The following VWA5B1 variants were observed in gnomAD, a reference collection of about 807,000 sequenced individuals.
The protein encoded by VWA5B1 is von Willebrand factor A domain containing 5B1, also known as von Willebrand factor A domain-containing protein 5B1.
VWA5B1 carries 115 observed loss-of-function variants against 118.2 expected under a neutral mutation model. The ratio of observed to expected loss-of-function variants is 0.97; its 90% CI spans 0.84 to 1.14. The LOEUF (loss-of-function observed/expected upper bound fraction) is 1.14. VWA5B1 is among the 50% of genes most tolerant of loss of function. VWA5B1 has a pLI of 0.00. For synonymous variants in VWA5B1, 682 were observed against 658.4 expected, an observed-to-expected ratio of 1.04 and a Z score of -0.55; for missense variants, 1,596 against 1,603.8, an observed-to-expected ratio of 1.00 and a Z score of 0.08.
At chr1:20,306,419 T>C (rs926182971) in intron 1 of VWA5B1, among the ~76,000 whole-genome samples, 12 of 152,178 alleles carry the variant, frequency 7.9e-5, no homozygotes, top group Non-Finnish European at 1.6e-4. Context: ...AAAGGACGAC[T>C]CTGACTGCTC....
At position 20,354,866 on chromosome 1, in the gene VWA5B1, CAA is replaced by C. The variant is rs796381293; in HGVS notation, c.*606_*607del. 1.3e-5 allele frequency: 2 copies of C among 152,646 alleles called. No individual in the cohort carries two copies. The highest frequency in any genetic ancestry group is 4.8e-5 in the African/African-American group (2 of 41,558). The allele number at this position is 152,646 out of a possible 1,614,324, so 9.5% of individuals were successfully genotyped here. A position where few individuals can be genotyped will look rare whatever the true frequency, so the allele number is the denominator to read the frequency against. ...GAGAAGCATCCTTCTCAACGCTTTA[CAA>C]AAGAGTAGTTTGGGGGCCTTTTGTT... On this transcript the variant is annotated 3_prime_UTR_variant, in exon 22 of 22. Transcript: ENST00000289815.
rs955492982 is a variant in VWA5B1, at chr1:20,319,306, C to T, written c.842-76C>T. On this transcript the variant is annotated intron_variant, in intron 6 of 21. Coordinates refer to ENST00000289815, the MANE Select transcript of VWA5B1 (RefSeq NM_001039500.3). ...GAGTCCCACCCCTGTGAGAATCTTG[C>T]ACCTAAACCAAAGCCCCCAGCATCC... 9.2e-6 allele frequency: 14 copies of T among 1,525,970 alleles called. No individual in the cohort carries two copies. In the African/African-American group the frequency reaches 1.7e-4, roughly 18 times the overall value. The allele number at this position is 1,525,970 out of a possible 1,614,324, so 94.5% of individuals were successfully genotyped here. A position where few individuals can be genotyped will look rare whatever the true frequency, so the allele number is the denominator to read the frequency against.
intron 3 of VWA5B1, 93 bp downstream of exon 3, chr1:20,313,081 T>C: frequency 6.8e-7 from 1 of 1,468,814 alleles, no homozygotes; most frequent in East Asian, 2.5e-5. Context: ...AGGATAGCAG[T>C]GGGATATGAG....
In VWA5B1 at chr1:20,314,430, C is replaced by T. The variant is rs2088940322; in HGVS notation, c.401C>T (p.Thr134Ile). ...ATCCTGTTCGTGGCCAACCTGGGGA[C>T]CATTGCCCCCATGGAGAATGTCACC... ...ERILFVANLG[T>I]IAPMENVTIF... Residue 134 changes from threonine (T) to isoleucine (I), a missense_variant, in exon 4 of 22, where the codon ACC becomes ATC. Transcript: ENST00000289815. The T allele has an allele frequency of 1.3e-6, 2 of 1,551,900 alleles. No individual in the cohort carries two copies. Among genetic ancestry groups the T allele is most frequent in the Non-Finnish European group, 1.7e-6 (2 of 1,147,038 alleles).
At chr1:20,320,372 C>G (rs892494390) in intron 7 of VWA5B1, among the ~76,000 whole-genome samples, 1 of 152,236 alleles carries the variant, frequency 6.6e-6, no homozygotes, top group African/African-American at 2.4e-5. Flanking sequence ...AGGGCAGTGG[C>G]AAGGTGGGGA....
chr1:20,346,482 C>A (rs565307423), intron 17 of VWA5B1, among the ~76,000 whole-genome samples: 24 of 152,300 alleles, frequency 1.6e-4, no homozygotes, highest in African/African-American at 5.8e-4. Flanking sequence ...CCTTAAAGAA[C>A]ATCTTTGTGC....
At chr1:20,324,414 T>C (rs1394967584) in intron 8 of VWA5B1, among the ~76,000 whole-genome samples, 4 of 152,190 alleles carry the variant, frequency 2.6e-5, no homozygotes, top group African/African-American at 7.2e-5. Flanking sequence ...ATTGTGGCAT[T>C]ATCCAACACT....
At position 20,342,541 on chromosome 1, in the gene VWA5B1, G is replaced by T; in HGVS notation, c.2243G>T (p.Gly748Val). ...PQGCQPFLPWGQETQAWSPVR... is the reference protein window; with the variant it reads ...PQGCQPFLPWVQETQAWSPVR... ...GGCTGCCAGCCCTTCCTGCCCTGGG[G>T]CCAGGAGACCCAGGCCTGGAGCCCT... Residue 748 changes from glycine to valine, a missense_variant, in exon 15 of 22, where the codon GGC becomes GTC. Transcript: ENST00000289815. The T allele has an allele frequency of 6.5e-7, 1 of 1,545,684 alleles. No homozygotes were observed.
At chr1:20,353,721 ATT>A in intron 21 of VWA5B1, 34 bp from the exon 22 acceptor site, 1 of 1,446,228 alleles carries the variant, frequency 6.9e-7, no homozygotes, top group Non-Finnish European at 9.1e-7. Context: ...GGGCTAAAAC[ATT>A]TGAGGCCCAC....
At chr1:20,344,201 CCT>C (rs1557443676) in intron 16 of VWA5B1, among the ~76,000 whole-genome samples, 1 of 151,624 alleles carries the variant, frequency 6.6e-6, no homozygotes, top group Non-Finnish European at 1.5e-5. Flanking sequence ...AGTGACCCGT[CCT>C]CTTCTCTCCT....
At position 20,310,571 on chromosome 1, in the gene VWA5B1, C is replaced by T; in HGVS notation, c.-26-5C>T. ...CCCACTTCCTGCCCTTCCTGTGTCT[C>T]ACAGGTTCTGAAGGCTGAGTAGCCA... is the stretch of plus-strand genomic sequence containing the variant. On this transcript the variant is annotated splice_region_variant and splice_polypyrimidine_tract_variant and intron_variant, in intron 1 of 21. Transcript: ENST00000289815. 6.7e-7 allele frequency: 1 copy of T among 1,497,074 alleles called. No homozygotes were observed. Among genetic ancestry groups the T allele is most frequent in the Non-Finnish European group, 8.9e-7 (1 of 1,121,728 alleles). The allele number at this position is 1,497,074 out of a possible 1,614,324, so 92.7% of individuals were successfully genotyped here. A position where few individuals can be genotyped will look rare whatever the true frequency, so the allele number is the denominator to read the frequency against.
chr1:20,351,393 C>T (rs1346343568), intron 20 of VWA5B1, among the ~76,000 whole-genome samples: 1 of 152,130 alleles, frequency 6.6e-6, no homozygotes, highest in East Asian at 1.9e-4. Flanking sequence ...GTGGCTCACC[C>T]CTGTAATCCC....
rs775288920 is a variant in VWA5B1 at position 20,332,867 on chromosome 1, C to T, written c.1674C>T (p.Ser558=). 36 of 1,551,792 alleles carry T rather than the reference C, an allele frequency of 2.3e-5. 1 individual carries two copies. The African/African-American group carries it at 3.3e-4, about 14-fold the overall frequency. The change falls in exon 12 of 22, where the codon AGC becomes AGT. Residue 558 remains serine (S), a synonymous_variant. Transcript: ENST00000289815. ...CTGAGGTCCTGGTCTCACCCGTCAG[C>T]GCCAGCTCCCTCTTCCCTGGAGAAC... ...ETTEVLVSPV[S]ASSLFPGERL... is the part of the protein sequence containing the mutation.
At chr1:20,292,856 G>A (rs1361109673) in intron 1 of VWA5B1, among the ~76,000 whole-genome samples, 1 of 152,128 alleles carries the variant, frequency 6.6e-6, no homozygotes, top group African/African-American at 2.4e-5. Flanking sequence ...GTGCCCGGGT[G>A]GGTGGCCTGC....
intron 11 of VWA5B1, among the ~76,000 whole-genome samples, chr1:20,331,989 C>A (rs1160728532): frequency 6.6e-6 from 1 of 152,128 alleles, no homozygotes; most frequent in Non-Finnish European, 1.5e-5. Flanking sequence ...TTACTAAATA[C>A]CTACCACATG....
chr1:20,343,658 A>C (rs1570211178), intron 16 of VWA5B1, among the ~76,000 whole-genome samples: 3 of 32,856 alleles, frequency 9.1e-5, no homozygotes, highest in Non-Finnish European at 1.7e-4. Flanking sequence ...AGTGCCCCGC[A>C]CACCCCACCC....
intron 2 of VWA5B1, among the ~76,000 whole-genome samples, chr1:20,311,012 G>A (rs936440942): frequency 1.1e-4 from 17 of 152,050 alleles, no homozygotes; most frequent in Non-Finnish European, 1.8e-4. Context: ...TCATTCTGTC[G>A]CCCAGGCTTG....
chr1:20,319,305 G>A (rs1259812765), intron 6 of VWA5B1, 77 bp from the exon 7 acceptor site: 6 of 1,524,920 alleles, frequency 3.9e-6, no homozygotes, highest in Non-Finnish European at 5.3e-6. Flanking sequence ...TGAGAATCTT[G>A]CACCTAAACC....
At position 20,354,654 on chromosome 1, in the gene VWA5B1, C is replaced by T. The variant is rs1410212980; in HGVS notation, c.*391C>T. ...TGTCTGGAGGTAGACCACGTGGGCA[C>T]GGAGTGGACACAGCAATGCCCACTC... On this transcript the variant is annotated 3_prime_UTR_variant, in exon 22 of 22. Coordinates refer to ENST00000289815, the MANE Select transcript of VWA5B1 (RefSeq NM_001039500.3). 1.3e-5 allele frequency: 3 copies of T among 238,044 alleles called. No homozygotes were observed. Among genetic ancestry groups the T allele is most frequent in the East Asian group, 2.4e-4 (2 of 8,358 alleles). The allele number at this position is 238,044 out of a possible 1,614,324, so 14.7% of individuals were successfully genotyped here.
Sources: gnomAD v4.1 joint callset for allele counts (sites outside exome capture counted in the v4.1 genomes callset) on GRCh38, gnomAD v4.1.1 for gene constraint, MANE v1.5 for transcripts, NCBI Gene and HGNC (gene_info 2026-07-23, HGNC 2026-07-21) for gene names.